The following DIP2C variants were observed in gnomAD, a reference collection of about 807,000 sequenced individuals.
The protein encoded by DIP2C is disco-interacting protein 2 homolog C.
In DIP2C, 33 loss-of-function variants were observed where a neutral mutation model predicts 192.4. The ratio of observed to expected loss-of-function variants is 0.17; its 90% CI spans 0.13 to 0.23. The LOEUF (loss-of-function observed/expected upper bound fraction) is 0.23. Ranked by LOEUF, DIP2C falls within the 10% of genes least tolerant of loss-of-function variation. DIP2C has a pLI of 1.00. For missense variants in DIP2C, 1,537 were observed against 2,110.1 expected, an observed-to-expected ratio of 0.73 and a Z score of 5.32; for synonymous variants, 979 against 864.1, an observed-to-expected ratio of 1.13 and a Z score of -2.33.
chr10:559,962 ACCTCTCCCCCCCACTCCTGTTCT>A lies in DIP2C; in HGVS notation c.86-73455_86-73433del, dbSNP rs1028943384. 3.8e-3 allele frequency among the ~76,000 whole-genome samples: 541 copies of A among 143,602 alleles called. 4 individuals are homozygous for A. The highest frequency in any genetic ancestry group is 0.013 in the African/African-American group (483 of 37,954). The allele number at this position is 143,602 out of a possible 152,430, so 94.2% of individuals were successfully genotyped here. A position where few individuals can be genotyped will look rare whatever the true frequency, so the allele number is the denominator to read the frequency against. On this transcript the variant is annotated intron_variant, in intron 1 of 36. Transcript: ENST00000280886. The stretch of plus-strand genomic sequence containing the variant: ...TGATGAACTCATTGCTCCGGTTCTC[ACCTCTCCCCCCCACTCCTGTTCT>A]CCTCTCCCCCCGATCCAGTTCTCAC...
intron 1 of DIP2C, among the ~76,000 whole-genome samples, chr10:672,586 A>T (rs1830704202): frequency 1.3e-5 from 2 of 152,248 alleles, no homozygotes; most frequent in South Asian, 4.1e-4. Context: ...TTCGAATGAA[A>T]GCACTCTGCA....
Position 281,274 on chromosome 10 carries a change from C to A in DIP2C, c.4344G>T (p.Glu1448Asp). ...YVVGALDEAM[E>D]LRGMRYHPID... ...TTGGGTGGTACCGCATGCCCCGCAG[C>A]TCCATGGCTTCGTCCAGTGCCCCTA... Residue 1448 changes from glutamate to aspartate, a missense_variant, in exon 36 of 37, where the codon GAG becomes GAT. Physicochemically the swap from Glu to Asp is conservative, Grantham distance 45 (BLOSUM62 2). This residue lies in a region of DIP2C where 341 missense variants were observed against 551.7 expected (regional missense o/e 0.62). Transcript: ENST00000280886. 6.2e-7 allele frequency: 1 copy of A among 1,614,204 alleles called. No individual in the cohort carries two copies. The highest frequency in any genetic ancestry group is 8.5e-7 in the Non-Finnish European group (1 of 1,180,038).
Position 408,958 on chromosome 10 carries a change from T to G in DIP2C, c.1117A>C (p.Lys373Gln). 1 of 1,614,244 alleles carries G rather than the reference T, an allele frequency of 6.2e-7. No homozygotes were observed. The highest frequency in any genetic ancestry group is 8.5e-7 in the Non-Finnish European group (1 of 1,180,042). ...CCAGGCCGGACCATGGGTTCCTGCT[T>G]TGTGCCTAATTTGTGTAGAATGCTG... is the stretch of plus-strand genomic sequence containing the variant. ...AYSILHKLGTKQEPMVRPGDR... is the reference protein window; with the variant it reads ...AYSILHKLGTQQEPMVRPGDR... The change falls in exon 9 of 37, where the codon AAG becomes CAG. Residue 373 changes from lysine (K) to glutamine (Q), a missense_variant. Transcript: ENST00000280886.
chr10:527,449 A>C (rs911768140), intron 1 of DIP2C, among the ~76,000 whole-genome samples: 8 of 152,238 alleles, frequency 5.3e-5, no homozygotes, highest in Non-Finnish European at 1.0e-4. Flanking sequence ...GGAACAACAA[A>C]TTTTAAAATT....
chr10:568,776 AAAAAAAAAAAAAAAAAAAAAAAC>A (rs1398912656), intron 1 of DIP2C, among the ~76,000 whole-genome samples: 188 of 131,192 alleles, frequency 1.4e-3, no homozygotes, highest in African/African-American at 4.8e-3. Context: ...AAAAAAAAAA[AAAAAAAAAAAAAAAAAAAAAAAC>A]CTTCACTTGA....
chr10:408,161 G>A (rs1964943289), intron 9 of DIP2C, among the ~76,000 whole-genome samples: 1 of 150,380 alleles, frequency 6.6e-6, no homozygotes, highest in South Asian at 2.1e-4. Context: ...TCTCTTGCAG[G>A]TGGATGTCCA....
chr10:294,895 C>T (rs1955675491), intron 32 of DIP2C, among the ~76,000 whole-genome samples: 1 of 152,016 alleles, frequency 6.6e-6, no homozygotes, highest in African/African-American at 2.4e-5. Flanking sequence ...TAAAAGAATA[C>T]ATTTGCAAAC....
intron 3 of DIP2C, among the ~76,000 whole-genome samples, chr10:447,470 C>A (rs1209833476): frequency 6.6e-6 from 1 of 150,520 alleles, no homozygotes; most frequent in African/African-American, 2.5e-5. Flanking sequence ...CCCGCTCACT[C>A]CCATCGATAC....
intron 1 of DIP2C, among the ~76,000 whole-genome samples, chr10:529,575 G>A (rs960721492): frequency 4.6e-5 from 7 of 152,276 alleles, no homozygotes; most frequent in African/African-American, 1.4e-4. Flanking sequence ...AGAAAAGACA[G>A]GAGACAGATC....
At chr10:350,672 C>T (rs1015277325) in intron 24 of DIP2C, among the ~76,000 whole-genome samples, 7 of 136,246 alleles carry the variant, frequency 5.1e-5, no homozygotes, top group Non-Finnish European at 1.1e-4. Flanking sequence ...TGGGGTCTCG[C>T]TCTGTCGCCA....
intron 1 of DIP2C, among the ~76,000 whole-genome samples, chr10:503,356 A>G (rs1278007437): frequency 1.3e-5 from 2 of 152,272 alleles, no homozygotes; most frequent in Non-Finnish European, 2.9e-5. Flanking sequence ...GCAAAGATCG[A>G]ACAGACACTT....
Position 647,435 on chromosome 10 carries a change from A to G in DIP2C, c.85+42059T>C, listed in dbSNP as rs187071042. On this transcript the variant is annotated intron_variant, in intron 1 of 36. Coordinates refer to ENST00000280886, the MANE Select transcript of DIP2C (RefSeq NM_014974.3). ...GAGAACAGAGCGAAATTGAGTCCAC[A>G]TCCACATTGGATGGTGGGCGAGAAC... Among the ~76,000 whole-genome samples, 351 of 134,684 alleles carry G rather than the reference A, an allele frequency of 2.6e-3. 2 individuals carry two copies. The highest frequency in any genetic ancestry group is 9.1e-3 in the African/African-American group (321 of 35,378). 88.4% of individuals were successfully genotyped at this position (134,684 alleles called of 152,430 possible).
chr10:404,199 CTTCA>C (rs1964634483), intron 9 of DIP2C, among the ~76,000 whole-genome samples: 1 of 141,668 alleles, frequency 7.1e-6, no homozygotes, highest in South Asian at 2.3e-4. Flanking sequence ...TTTTGCATTA[CTTCA>C]TTCTGGATTT....
intron 4 of DIP2C, among the ~76,000 whole-genome samples, chr10:438,401 T>C (rs974479288): frequency 2.0e-5 from 3 of 152,274 alleles, no homozygotes. Flanking sequence ...TTTAAGTCCA[T>C]TTTGTTAGTT....
intron 1 of DIP2C, among the ~76,000 whole-genome samples, chr10:620,762 C>T (rs987443036): frequency 2.6e-5 from 4 of 152,198 alleles, no homozygotes; most frequent in African/African-American, 9.7e-5. Context: ...AAGGTTGCTA[C>T]TTTGGACTGA....
At chr10:296,264 A>T (rs1379865862) in intron 32 of DIP2C, among the ~76,000 whole-genome samples, 1 of 152,206 alleles carries the variant, frequency 6.6e-6, no homozygotes, top group African/African-American at 2.4e-5. Context: ...GTCTAACATT[A>T]AGTCTTTAAT....
Position 297,091 on chromosome 10 carries a change from G to A in DIP2C, c.3987-8670C>T, listed in dbSNP as rs148187194. ...GGCCTGTAGTCCCAGCTACTCAGGAGGCTGAGGCAGGAGAATCACTTGAAC... is the reference window on the plus strand; with the variant it reads ...GGCCTGTAGTCCCAGCTACTCAGGAAGCTGAGGCAGGAGAATCACTTGAAC... On this transcript the variant is annotated intron_variant, in intron 32 of 36. Coordinates refer to ENST00000280886, the MANE Select transcript of DIP2C (RefSeq NM_014974.3). Among the ~76,000 whole-genome samples the A allele has an allele frequency of 1.2e-3, 184 of 152,118 alleles. 1 individual carries two copies. The highest frequency in any genetic ancestry group is 4.1e-3 in the African/African-American group (169 of 41,490).
At chr10:346,589 T>A (rs865815691) in intron 26 of DIP2C, among the ~76,000 whole-genome samples, 231 of 44,362 alleles carry the variant, frequency 5.2e-3, no homozygotes, top group South Asian at 8.3e-3. Context: ...AACCCCACAC[T>A]CACCCAACCC....
chr10:610,601 CAG>C (rs1419020384), intron 1 of DIP2C, among the ~76,000 whole-genome samples: 7 of 152,362 alleles, frequency 4.6e-5, no homozygotes, highest in South Asian at 2.1e-4. Context: ...AAACCAATGA[CAG>C]AATCGTTTGC....
Sources: gnomAD v4.1 joint callset for allele counts (sites outside exome capture counted in the v4.1 genomes callset) on GRCh38, gnomAD v4.1.1 for gene constraint, gnomAD v4.1.1 regional missense constraint, MANE v1.5 for transcripts, NCBI Gene and HGNC (gene_info 2026-07-23, HGNC 2026-07-21) for gene names.